MBD5: variants seen among roughly 807,000 people sequenced by gnomAD.
The protein encoded by MBD5 is methyl-CpG-binding domain protein 5.
In MBD5, 13 loss-of-function variants were observed where a neutral mutation model predicts 117.3. The observed-to-expected ratio is 0.11, with a 90% CI of 0.07 to 0.18. MBD5 has a LOEUF of 0.18. Ranked by LOEUF, MBD5 falls within the 10% of genes least tolerant of loss-of-function variation. The pLI is 1.00. For missense variants in MBD5, 1,879 were observed against 2,093.8 expected, an observed-to-expected ratio of 0.90 and a Z score of 2.00; for synonymous variants, 727 against 766.4, an observed-to-expected ratio of 0.95 and a Z score of 0.85.
intron 1 of MBD5, among the ~76,000 whole-genome samples, chr2:148,140,537 A>G (rs1697287929): frequency 6.6e-6 from 1 of 152,186 alleles, no homozygotes; most frequent in Admixed American, 6.5e-5. Flanking sequence ...TTCTTATTCT[A>G]TAAAATAAAA....
intron 4 of MBD5, among the ~76,000 whole-genome samples, chr2:148,380,299 A>G (rs1704100058): frequency 6.6e-6 from 1 of 152,168 alleles, no homozygotes; most frequent in Admixed American, 6.6e-5. Flanking sequence ...ATTTGTCTGT[A>G]TTGAACTGTG....
chr2:148,137,866 G>C (rs1433338656), intron 1 of MBD5, among the ~76,000 whole-genome samples: 3 of 152,192 alleles, frequency 2.0e-5, no homozygotes, highest in Non-Finnish European at 4.4e-5. Context: ...TCACGGGTTT[G>C]TAGCCTAGGA....
At chr2:148,300,962 GGTAACTTCCAAAGCT>G (rs1701766115) in intron 3 of MBD5, among the ~76,000 whole-genome samples, 1 of 152,148 alleles carries the variant, frequency 6.6e-6, no homozygotes. Context: ...TTCCTGGTTG[GGTAACTTCCAAAGCT>G]GTTTCTATAG....
At chr2:148,052,206 GTT>G (rs70992189) in intron 1 of MBD5, among the ~76,000 whole-genome samples, 6 of 83,766 alleles carry the variant, frequency 7.2e-5, no homozygotes, top group African/African-American at 2.9e-4. Context: ...CTGTTATTGA[GTT>G]TTTTTTTTTT....
At chr2:148,196,403 C>T (rs1698988835) in intron 2 of MBD5, among the ~76,000 whole-genome samples, 1 of 151,930 alleles carries the variant, frequency 6.6e-6, no homozygotes. Flanking sequence ...AAAATGGTTT[C>T]CTTTATGTAA....
intron 3 of MBD5, among the ~76,000 whole-genome samples, chr2:148,328,922 A>G (rs1475697811): frequency 1.3e-5 from 2 of 152,234 alleles, no homozygotes; most frequent in Non-Finnish European, 2.9e-5. Flanking sequence ...ATTCAAGAAT[A>G]TCATTCTTAT....
At chr2:148,174,446 G>C (rs917190843) in intron 1 of MBD5, among the ~76,000 whole-genome samples, 1 of 152,032 alleles carries the variant, frequency 6.6e-6, no homozygotes, top group African/African-American at 2.4e-5. Context: ...AACAAAAATA[G>C]ATAAAGGGGA....
intron 1 of MBD5, among the ~76,000 whole-genome samples, chr2:148,077,026 A>G (rs1372419242): frequency 6.6e-6 from 1 of 152,230 alleles, no homozygotes; most frequent in Admixed American, 6.5e-5. Context: ...ACTATGCAAC[A>G]GAGACTGTTA....
intron 4 of MBD5, among the ~76,000 whole-genome samples, chr2:148,427,009 C>T (rs1409982349): frequency 5.3e-5 from 8 of 152,308 alleles, no homozygotes; most frequent in African/African-American, 1.9e-4. Context: ...ACAGGCACTT[C>T]TCAAAAGAAG....
intron 1 of MBD5, among the ~76,000 whole-genome samples, chr2:148,108,544 A>G (rs1469210987): frequency 6.6e-6 from 1 of 152,016 alleles, no homozygotes; most frequent in East Asian, 1.9e-4. Flanking sequence ...AAAAAAAGAA[A>G]AAAAAAAAAA....
chr2:148,270,113 T>G (rs1451290781), intron 3 of MBD5, among the ~76,000 whole-genome samples: 1 of 152,170 alleles, frequency 6.6e-6, no homozygotes, highest in Admixed American at 6.5e-5. Flanking sequence ...GTCTTTCTTT[T>G]TCTCTTCACT....
chr2:148,100,323 G>T (rs748217297), intron 1 of MBD5, among the ~76,000 whole-genome samples: 30 of 152,120 alleles, frequency 2.0e-4, no homozygotes, highest in Non-Finnish European at 4.0e-4. Context: ...TCAGTTATCA[G>T]GTATACTCAG....
intron 1 of MBD5, among the ~76,000 whole-genome samples, chr2:148,066,845 C>T (rs1158116678): frequency 1.3e-5 from 2 of 152,142 alleles, no homozygotes; most frequent in African/African-American, 4.8e-5. Flanking sequence ...ACTTCATTTA[C>T]CTGCGTTTGT....
intron 1 of MBD5, among the ~76,000 whole-genome samples, chr2:148,072,734 A>G (rs990640123): frequency 6.6e-6 from 1 of 152,182 alleles, no homozygotes; most frequent in Non-Finnish European, 1.5e-5. Flanking sequence ...AATACATCAG[A>G]TTTAGTTATT....
At chr2:148,151,551 G>A (rs1223339147) in intron 1 of MBD5, among the ~76,000 whole-genome samples, 2 of 152,118 alleles carry the variant, frequency 1.3e-5, no homozygotes, top group African/African-American at 2.4e-5. Context: ...GGTAAAATTC[G>A]GCATGAATCC....
rs1217138714 is a variant in MBD5, at chr2:148,384,251, A to T, written c.-557+41915A>T. ...CAAAATCTCCTTAAGCTGATAAGCA[A>T]ATTCAGCAAAGTCTCAGGATACAAA... On this transcript the variant is annotated intron_variant, in intron 4 of 13. Coordinates refer to ENST00000642680, the MANE Select transcript of MBD5 (RefSeq NM_001378120.1). 2.6e-5 allele frequency among the ~76,000 whole-genome samples: 4 copies of T among 152,204 alleles called. No individual in the cohort carries two copies. The East Asian group carries it at 5.8e-4, about 22-fold the overall frequency.
At chr2:148,293,887 T>C (rs1279479588) in intron 3 of MBD5, among the ~76,000 whole-genome samples, 1 of 152,244 alleles carries the variant, frequency 6.6e-6, no homozygotes, top group Non-Finnish European at 1.5e-5. Context: ...TCTTGCCAGA[T>C]ATATTTCTAT....
chr2:148,040,177 AAAAT>A (rs1211666824), intron 1 of MBD5, among the ~76,000 whole-genome samples: 1 of 152,122 alleles, frequency 6.6e-6, no homozygotes, highest in Non-Finnish European at 1.5e-5. Context: ...CCCTGAACCT[AAAAT>A]AAAAGTTAAA....
chr2:148,321,355 A>C (rs12473137), intron 3 of MBD5, among the ~76,000 whole-genome samples: 30,798 of 152,086 alleles, frequency 0.2, 3,249 homozygotes, highest in African/African-American at 0.21. Context: ...AAAAGTTTAC[A>C]AATTTGTGTT....
Sources: allele counts gnomAD v4.1 joint callset (sites outside exome capture counted in the v4.1 genomes callset), GRCh38; gene constraint gnomAD v4.1.1; transcripts MANE v1.5; gene names NCBI Gene and HGNC (gene_info 2026-07-23, HGNC 2026-07-21).